Variants in LPP observed in about 807,000 individuals in gnomAD.
The protein encoded by LPP is lipoma-preferred partner.
A neutral mutation model predicts 60.4 loss-of-function variants in LPP; 38 were observed. That is an observed-to-expected ratio of 0.63 (90% CI 0.49 to 0.83). The LOEUF (loss-of-function observed/expected upper bound fraction) is 0.83. Ranked by LOEUF, LPP falls within the 40% of genes least tolerant of loss-of-function variation. The pLI is 0.00. For synonymous variants in LPP, 328 were observed against 290.8 expected (o/e 1.13, Z -1.30); for missense variants, 902 against 783.6 (o/e 1.15, Z -1.80).
At chr3:188,186,207 C>CT (rs1347843243) in intron 1 of LPP, among the ~76,000 whole-genome samples, 1 of 152,202 alleles carries the variant, frequency 6.6e-6, no homozygotes, top group Non-Finnish European at 1.5e-5. Flanking sequence ...TGGTGTGCTT[C>CT]TGGGCCACAG....
At chr3:188,726,996 C>T (rs555190862) in intron 8 of LPP, among the ~76,000 whole-genome samples, 1 of 152,226 alleles carries the variant, frequency 6.6e-6, no homozygotes, top group East Asian at 1.9e-4. Context: ...TTAGTTTAGG[C>T]AGAAAAACCT....
At chr3:188,316,002 G>A (rs890715361) in intron 2 of LPP, among the ~76,000 whole-genome samples, 2 of 152,188 alleles carry the variant, frequency 1.3e-5, no homozygotes, top group African/African-American at 2.4e-5. Flanking sequence ...GTCTGGGCGC[G>A]GTGGCTTACG....
At chr3:188,213,709 G>A (rs1712230980) in intron 1 of LPP, among the ~76,000 whole-genome samples, 1 of 151,950 alleles carries the variant, frequency 6.6e-6, no homozygotes, top group Non-Finnish European at 1.5e-5. Flanking sequence ...AATGTCGTAT[G>A]AATGCAACCT....
At chr3:188,667,004 A>T (rs1855928485) in intron 7 of LPP, among the ~76,000 whole-genome samples, 1 of 152,186 alleles carries the variant, frequency 6.6e-6, no homozygotes, top group Non-Finnish European at 1.5e-5. Context: ...GATAAAAGTT[A>T]TCACTTTCTT....
chr3:188,338,486 C>G (rs1162917204), intron 2 of LPP, among the ~76,000 whole-genome samples: 1 of 152,080 alleles, frequency 6.6e-6, no homozygotes, highest in Non-Finnish European at 1.5e-5. Flanking sequence ...TGAAAATGAC[C>G]AAATTATTAT....
intron 4 of LPP, among the ~76,000 whole-genome samples, chr3:188,430,753 GC>G (rs1424453427): frequency 3.3e-5 from 5 of 152,044 alleles, no homozygotes; most frequent in African/African-American, 1.2e-4. Flanking sequence ...ATAACTGAAA[GC>G]CCAATAGTAA....
intron 5 of LPP, among the ~76,000 whole-genome samples, chr3:188,501,043 A>T (rs1487084549): frequency 6.6e-6 from 1 of 151,328 alleles, no homozygotes; most frequent in African/African-American, 2.4e-5. Context: ...TCTCCATTCT[A>T]CTTATTTCTA....
chr3:188,791,063 G>C (rs141749266), intron 9 of LPP, among the ~76,000 whole-genome samples: 3 of 152,098 alleles, frequency 2.0e-5, no homozygotes, highest in Non-Finnish European at 2.9e-5. Flanking sequence ...ATGGACAAGC[G>C]GGTGACTTAC....
intron 8 of LPP, among the ~76,000 whole-genome samples, chr3:188,726,083 T>G (rs1309574885): frequency 1.3e-5 from 2 of 152,094 alleles, no homozygotes; most frequent in African/African-American, 4.8e-5. Flanking sequence ...GTGTGGAAAC[T>G]CCATGAAGGG....
At position 188,529,703 on chromosome 3, in the gene LPP, A is replaced by C. The variant is rs112333851; in HGVS notation, c.429+4916A>C. Reference sequence around the variant, plus strand: ...AAATTTGGCTTAATTCCACATATTCATTGATTCATTGATTCATTCACCTAA... The same window carrying C: ...AAATTTGGCTTAATTCCACATATTCCTTGATTCATTGATTCATTCACCTAA... On this transcript the variant is annotated intron_variant, in intron 6 of 11. Coordinates refer to ENST00000617246, the MANE Select transcript of LPP (RefSeq NM_001375462.1). Among the ~76,000 whole-genome samples the C allele has an allele frequency of 4.2e-3, 636 of 152,300 alleles. 2 individuals are homozygous for C. The highest frequency in any genetic ancestry group is 0.015 in the African/African-American group (610 of 41,562).
intron 1 of LPP, among the ~76,000 whole-genome samples, chr3:188,192,450 A>C (rs1342116764): frequency 6.6e-6 from 1 of 152,230 alleles, no homozygotes; most frequent in Non-Finnish European, 1.5e-5. Flanking sequence ...AATCTCTCCC[A>C]CAGGGTAGGG....
chr3:188,844,042 G>C (rs1363605315), intron 9 of LPP, among the ~76,000 whole-genome samples: 1 of 152,076 alleles, frequency 6.6e-6, no homozygotes, highest in East Asian at 1.9e-4. Flanking sequence ...TCATTTTCAA[G>C]TTCTTAGAAT....
chr3:188,764,434 A>T (rs1352007082), intron 9 of LPP, among the ~76,000 whole-genome samples: 1 of 152,132 alleles, frequency 6.6e-6, no homozygotes, highest in Non-Finnish European at 1.5e-5. Flanking sequence ...CCTTTAGTAT[A>T]ATGTGATACA....
chr3:188,679,643 A>G (rs1270458460), intron 7 of LPP, among the ~76,000 whole-genome samples: 1 of 152,064 alleles, frequency 6.6e-6, no homozygotes, highest in Admixed American at 6.6e-5. Flanking sequence ...TCAGGAATAC[A>G]TTACATGGAT....
chr3:188,596,278 AT>A (rs563971598), intron 6 of LPP, among the ~76,000 whole-genome samples: 82 of 152,286 alleles, frequency 5.4e-4, no homozygotes, highest in African/African-American at 7.7e-4. Flanking sequence ...GCAGTTAGTC[AT>A]TATGTGCTTT....
At chr3:188,550,291 A>T (rs1203606442) in intron 6 of LPP, among the ~76,000 whole-genome samples, 1 of 152,184 alleles carries the variant, frequency 6.6e-6, no homozygotes, top group Non-Finnish European at 1.5e-5. Context: ...TTAATGAAAA[A>T]TCAAGGGCCA....
chr3:188,615,976 C>T (rs533967715), intron 7 of LPP, among the ~76,000 whole-genome samples: 1 of 152,190 alleles, frequency 6.6e-6, no homozygotes, highest in Admixed American at 6.5e-5. Flanking sequence ...CTTGTATATT[C>T]TCGATATTAG....
chr3:188,703,047 A>T (rs1864798934), intron 7 of LPP, among the ~76,000 whole-genome samples: 2 of 152,192 alleles, frequency 1.3e-5, no homozygotes, highest in South Asian at 4.1e-4. Context: ...CAGAAATAGG[A>T]TTACATGTCA....
chr3:188,308,787 A>G (rs1419056844), intron 2 of LPP, among the ~76,000 whole-genome samples: 1 of 152,064 alleles, frequency 6.6e-6, no homozygotes, highest in Non-Finnish European at 1.5e-5. Flanking sequence ...CTTCCCACTT[A>G]TTGCTGGGGG....
Sources: allele counts gnomAD v4.1 joint callset (sites outside exome capture counted in the v4.1 genomes callset), GRCh38; gene constraint gnomAD v4.1.1; transcripts MANE v1.5; gene names NCBI Gene and HGNC (gene_info 2026-07-23, HGNC 2026-07-21).